The following FERMT1 variants were observed in gnomAD, a reference collection of about 807,000 sequenced individuals.
The protein encoded by FERMT1 is FERM domain containing kindlin 1.
FERMT1 carries 60 observed loss-of-function variants against 85.3 expected under a neutral mutation model. The observed-to-expected ratio is 0.70, with a 90% CI of 0.57 to 0.87. The LOEUF is 0.87. Among genes scored for constraint, FERMT1 ranks in the 40% least tolerant of loss-of-function variants. The pLI is 0.00. For synonymous variants in FERMT1, 275 were observed against 301.1 expected (o/e 0.91, Z 0.90); for missense variants, 701 against 818.9 (o/e 0.86, Z 1.76).
intron 1 of FERMT1, among the ~76,000 whole-genome samples, chr20:6,120,101 TA>T (rs1983229514): frequency 6.6e-6 from 1 of 152,148 alleles, no homozygotes; most frequent in Admixed American, 6.6e-5. Context: ...TTAATATCTT[TA>T]ATATATGTAT....
At chr20:6,079,969 T>G (rs555100700) in intron 13 of FERMT1, among the ~76,000 whole-genome samples, 1 of 152,134 alleles carries the variant, frequency 6.6e-6, no homozygotes, top group Non-Finnish European at 1.5e-5. Context: ...ATATGCCAGA[T>G]AAGATGAAGG....
chr20:6,112,659 T>TA, intron 3 of FERMT1, 36 bp from the exon 4 acceptor site: 1 of 1,419,728 alleles, frequency 7.0e-7, no homozygotes, highest in Non-Finnish European at 9.5e-7. Context: ...GAAGAAAAAG[T>TA]AAAAAGAAAA....
At chr20:6,085,861 C>A (rs545812062) in intron 11 of FERMT1, among the ~76,000 whole-genome samples, 6 of 141,888 alleles carry the variant, frequency 4.2e-5, no homozygotes, top group African/African-American at 1.6e-4. Context: ...AAAAAAAATA[C>A]CAGGTGTGGT....
chr20:6,079,923 G>C (rs1439269146), intron 13 of FERMT1, among the ~76,000 whole-genome samples: 1 of 152,198 alleles, frequency 6.6e-6, no homozygotes, highest in African/African-American at 2.4e-5. Context: ...GAAAATTTCT[G>C]ACTGTGGGAG....
intron 13 of FERMT1, among the ~76,000 whole-genome samples, chr20:6,080,840 G>A (rs921735566): frequency 2.7e-4 from 41 of 152,218 alleles, no homozygotes; most frequent in Admixed American, 1.9e-3. Context: ...ATGCTCATTA[G>A]ATATCCAAGG....
rs1982913109 is a variant in FERMT1, at chr20:6,110,384, T to C, written c.660A>G (p.Ala220=). 6 of 1,613,982 alleles carry C rather than the reference T, an allele frequency of 3.7e-6. No homozygotes were observed. Among genetic ancestry groups the C allele is most frequent in the Admixed American group, 1.7e-5 (1 of 60,006 alleles). ...PLTEQNCSIL[A]FSQPPQSPEA... ...CTGGGGACTGGGGGGGTTGGCTGAATGCGAGGATGCTGCAGTTTTGTTCCG... is the reference window on the plus strand; with the variant it reads ...CTGGGGACTGGGGGGGTTGGCTGAACGCGAGGATGCTGCAGTTTTGTTCCG... The change falls in exon 5 of 15, where the codon GCA becomes GCG. Residue 220 remains alanine (A), a synonymous_variant. Transcript: ENST00000217289.
chr20:6,105,693 A>C (rs535956082), intron 6 of FERMT1, among the ~76,000 whole-genome samples: 94 of 152,330 alleles, frequency 6.2e-4, no homozygotes, highest in Middle Eastern at 3.4e-3. Flanking sequence ...TTATCTCATT[A>C]ATTTGAAAAC....
intron 11 of FERMT1, among the ~76,000 whole-genome samples, chr20:6,086,047 C>T (rs1438448911): frequency 6.6e-6 from 1 of 151,232 alleles, no homozygotes; most frequent in Non-Finnish European, 1.5e-5. Flanking sequence ...GAGGCTGAGG[C>T]AGGAGAATCA....
chr20:6,078,244 A>T (rs1261552942), intron 14 of FERMT1, among the ~76,000 whole-genome samples: 2 of 152,188 alleles, frequency 1.3e-5, no homozygotes, highest in East Asian at 3.8e-4. Flanking sequence ...GGTGATCCTA[A>T]TACGCATCAA....
chr20:6,081,911 AAT>A (rs1351470298), intron 13 of FERMT1, among the ~76,000 whole-genome samples: 5 of 152,166 alleles, frequency 3.3e-5, no homozygotes, highest in African/African-American at 1.2e-4. Flanking sequence ...CTTAATGCTT[AAT>A]ATCACAAATT....
chr20:6,120,690 T>C (rs1983248660), intron 1 of FERMT1, among the ~76,000 whole-genome samples: 1 of 152,256 alleles, frequency 6.6e-6, no homozygotes, highest in Admixed American at 6.5e-5. Context: ...TCATAAGGCC[T>C]ATTTTTAAGA....
Position 6,083,988 on chromosome 20 carries a change from G to A in FERMT1, c.1718+52C>T, listed in dbSNP as rs753928. The A allele has an allele frequency of 0.29, 465,889 of 1,607,600 alleles. 72,141 individuals are homozygous for A. Among genetic ancestry groups the A allele is most frequent in the East Asian group, 0.63 (28,373 of 44,778 alleles). On this transcript the variant is annotated intron_variant, in intron 13 of 14. Coordinates refer to ENST00000217289, the MANE Select transcript of FERMT1 (RefSeq NM_017671.5). ...ATGAGAAAACTGGGGCTCCCCAAAA[G>A]CCACTTAAAATTGAATGGAAAGTGT...
At position 6,085,093 on chromosome 20, in the gene FERMT1, C is replaced by A. The variant is rs745618939; in HGVS notation, c.1566G>T (p.Arg522=). ...DMNPECFVSP[R]CAKRHKSKQL... ...GTTTGGATTTGTGTCTTTTTGCACA[C>A]CGTGGTGACACAAAACATTCTGGGT... Residue 522 remains arginine, a synonymous_variant, in exon 12 of 15, where the codon CGG becomes CGT. Coordinates refer to ENST00000217289, the MANE Select transcript of FERMT1 (RefSeq NM_017671.5). The A allele has an allele frequency of 9.3e-6, 15 of 1,614,148 alleles. No homozygotes were observed. The highest frequency in any genetic ancestry group is 1.3e-5 in the Non-Finnish European group (15 of 1,179,970).
chr20:6,085,022 A>G (rs769365383), intron 12 of FERMT1, 44 bp downstream of exon 12: 73 of 1,535,776 alleles, frequency 4.8e-5, no homozygotes, highest in Non-Finnish European at 6.3e-5. Context: ...CTGTTTGCAT[A>G]AAGAATTTAC....
At chr20:6,120,778 G>A (rs755604818) in intron 1 of FERMT1, among the ~76,000 whole-genome samples, 12 of 152,166 alleles carry the variant, frequency 7.9e-5, no homozygotes, top group Non-Finnish European at 1.5e-4. Flanking sequence ...CTATTAAAAT[G>A]CAGATTCTAT....
At chr20:6,095,022 A>C in intron 8 of FERMT1, 34 bp from the exon 9 acceptor site, 1 of 1,274,956 alleles carries the variant, frequency 7.8e-7, no homozygotes, top group Non-Finnish European at 1.1e-6. Flanking sequence ...CAAAAGCAGG[A>C]ACTTCATAAG....
At chr20:6,080,802 TC>T (rs1406638733) in intron 13 of FERMT1, among the ~76,000 whole-genome samples, 7 of 152,118 alleles carry the variant, frequency 4.6e-5, no homozygotes, top group African/African-American at 1.7e-4. Flanking sequence ...AGGGGGAAGA[TC>T]CGGAACTTTG....
intron 1 of FERMT1, among the ~76,000 whole-genome samples, chr20:6,120,743 G>A (rs1286406465): frequency 6.6e-6 from 1 of 152,108 alleles, no homozygotes; most frequent in Admixed American, 6.5e-5. Context: ...CTTCTCTGAG[G>A]GTGTACACAA....
chr20:6,085,457 A>T (rs1982150034), intron 11 of FERMT1, among the ~76,000 whole-genome samples, 170 bp from the exon 12 acceptor site: 1 of 152,194 alleles, frequency 6.6e-6, no homozygotes, highest in South Asian at 2.1e-4. Flanking sequence ...GTAACACCTA[A>T]CAGTAGTTTT....
Sources: gnomAD v4.1 joint callset for allele counts (sites outside exome capture counted in the v4.1 genomes callset) on GRCh38, gnomAD v4.1.1 for gene constraint, MANE v1.5 for transcripts, NCBI Gene and HGNC (gene_info 2026-07-23, HGNC 2026-07-21) for gene names.